Variants in CRTC3 observed in about 807,000 individuals in gnomAD.
CRTC3 encodes CREB regulated transcription coactivator 3.
Under a neutral mutation model 74.5 loss-of-function variants are expected in CRTC3, and 26 were observed. The ratio of observed to expected loss-of-function variants is 0.35; its 90% CI spans 0.26 to 0.48. CRTC3 has a LOEUF of 0.48. Among genes scored for constraint, CRTC3 ranks in the 20% least tolerant of loss-of-function variants. The pLI is 0.99. For synonymous variants in CRTC3, 377 were observed against 325.8 expected (o/e 1.16, Z -1.69); for missense variants, 760 against 787.3 (o/e 0.97, Z 0.41).
intron 11 of CRTC3, among the ~76,000 whole-genome samples, chr15:90,633,333 A>T (rs1302655212): frequency 6.6e-6 from 1 of 152,224 alleles, no homozygotes. Flanking sequence ...TAGTAGCTCT[A>T]TAGCAAAGAG....
intron 2 of CRTC3, among the ~76,000 whole-genome samples, chr15:90,557,981 A>C (rs1255343205): frequency 6.6e-6 from 1 of 151,830 alleles, no homozygotes; most frequent in African/African-American, 2.4e-5. Context: ...CAACCACCCC[A>C]CTTGCCTTTC....
At chr15:90,562,848 G>T (rs372375454) in intron 2 of CRTC3, among the ~76,000 whole-genome samples, 13 of 152,082 alleles carry the variant, frequency 8.5e-5, no homozygotes, top group East Asian at 5.9e-4. Flanking sequence ...CAGACCAGCC[G>T]CAAGCAGGAG....
intron 1 of CRTC3, among the ~76,000 whole-genome samples, chr15:90,533,033 C>G (rs368658360): frequency 7.5e-5 from 9 of 119,552 alleles, no homozygotes; most frequent in South Asian, 2.9e-4. Flanking sequence ...TGCAGTGAGC[C>G]GGGATCGCAC....
chr15:90,571,005 G>A (rs1967250731), intron 2 of CRTC3, among the ~76,000 whole-genome samples: 1 of 152,170 alleles, frequency 6.6e-6, no homozygotes, highest in South Asian at 2.1e-4. Flanking sequence ...TATTTGGAAG[G>A]TAGAATTATA....
intron 4 of CRTC3, 171 bp from the exon 5 acceptor site, chr15:90,604,214 T>C: frequency 1.7e-6 from 1 of 601,164 alleles, no homozygotes; most frequent in Non-Finnish European, 3.1e-6. Context: ...CATGGAGTCT[T>C]ACCTCATTTT....
chr15:90,549,507 G>C (rs1360486625), intron 2 of CRTC3, among the ~76,000 whole-genome samples: 1 of 152,074 alleles, frequency 6.6e-6, no homozygotes, highest in Non-Finnish European at 1.5e-5. Flanking sequence ...TGGGTACCAT[G>C]GCTCACGCCT....
At chr15:90,595,217 G>A (rs1403556617) in intron 3 of CRTC3, 1 of 152,228 alleles carries the variant, frequency 6.6e-6, no homozygotes, top group Non-Finnish European at 1.5e-5. Context: ...TCAAACCGTT[G>A]TCCAAATTGC....
At chr15:90,535,335 C>T (rs547104297) in intron 1 of CRTC3, among the ~76,000 whole-genome samples, 3 of 152,156 alleles carry the variant, frequency 2.0e-5, no homozygotes, top group South Asian at 2.1e-4. Flanking sequence ...GAGGGAATGC[C>T]GACCAGCTGA....
chr15:90,602,905 C>T (rs545200650), intron 4 of CRTC3, among the ~76,000 whole-genome samples: 4 of 151,752 alleles, frequency 2.6e-5, no homozygotes, highest in East Asian at 3.9e-4. Flanking sequence ...ACCAGAGAGT[C>T]GGAGGTTGCA....
chr15:90,572,401 G>C (rs1376994546), intron 2 of CRTC3, among the ~76,000 whole-genome samples: 3 of 152,074 alleles, frequency 2.0e-5, no homozygotes, highest in Admixed American at 6.6e-5. Flanking sequence ...TTTACATAAG[G>C]GTATTTGTGA....
chr15:90,558,022 C>T (rs556318787), intron 2 of CRTC3, among the ~76,000 whole-genome samples: 1 of 152,200 alleles, frequency 6.6e-6, no homozygotes, highest in South Asian at 2.1e-4. Context: ...TTAAATTTCT[C>T]GTTGTTCTGC....
chr15:90,636,619 C>CA (rs1178179168), intron 11 of CRTC3, among the ~76,000 whole-genome samples: 2 of 152,036 alleles, frequency 1.3e-5, no homozygotes, highest in Non-Finnish European at 2.9e-5. Context: ...AGTGAACAGG[C>CA]AAACTACAGA....
intron 2 of CRTC3, among the ~76,000 whole-genome samples, chr15:90,544,600 T>C (rs922676039): frequency 6.6e-6 from 1 of 152,234 alleles, no homozygotes; most frequent in Non-Finnish European, 1.5e-5. Context: ...TGAATAAATA[T>C]TCTATAAACA....
chr15:90,608,518 TCTGTGGAGCCATC>T (rs1431690569), intron 6 of CRTC3, among the ~76,000 whole-genome samples: 1 of 152,234 alleles, frequency 6.6e-6, no homozygotes, highest in East Asian at 1.9e-4. Context: ...TGTCCTCATG[TCTGTGGAGCCATC>T]CTTGACCTTC....
At chr15:90,581,202 A>T (rs1190209272) in intron 2 of CRTC3, among the ~76,000 whole-genome samples, 1 of 152,236 alleles carries the variant, frequency 6.6e-6, no homozygotes, top group Non-Finnish European at 1.5e-5. Flanking sequence ...TCTGTGGCTT[A>T]TGAGTCCAGA....
chr15:90,603,166 A>G (rs956034238), intron 4 of CRTC3, among the ~76,000 whole-genome samples: 27 of 151,516 alleles, frequency 1.8e-4, no homozygotes, highest in Non-Finnish European at 2.5e-4. Context: ...CATCTTGGCC[A>G]GGCACGGTGG....
chr15:90,533,472 G>A (rs1272795844), intron 1 of CRTC3, among the ~76,000 whole-genome samples: 4 of 151,798 alleles, frequency 2.6e-5, no homozygotes, highest in African/African-American at 7.3e-5. Context: ...CCTGGGAAGA[G>A]GCTGTTCTGT....
At chr15:90,551,692 A>G (rs190467474) in intron 2 of CRTC3, among the ~76,000 whole-genome samples, 3 of 152,248 alleles carry the variant, frequency 2.0e-5, no homozygotes, top group East Asian at 3.9e-4. Context: ...TTATCAGCCA[A>G]TCAGATTTCT....
At chr15:90,634,983 G>C (rs1309431923) in intron 11 of CRTC3, 4 of 1,406,124 alleles carry the variant, frequency 2.8e-6, no homozygotes, top group East Asian at 4.5e-5. Context: ...AGATGACAAG[G>C]ATTATTTCCT....
Sources: gnomAD v4.1 joint callset for allele counts (sites outside exome capture counted in the v4.1 genomes callset) on GRCh38, gnomAD v4.1.1 for gene constraint, MANE v1.5 for transcripts, NCBI Gene and HGNC (gene_info 2026-07-23, HGNC 2026-07-21) for gene names.